SH3GL2: variants seen among roughly 807,000 people sequenced by gnomAD.
The protein encoded by SH3GL2 is SH3 domain containing GRB2 like 2, endophilin A1.
SH3GL2 carries 24 observed loss-of-function variants against 46.0 expected under a neutral mutation model. The ratio of observed to expected loss-of-function variants is 0.52; its 90% CI spans 0.38 to 0.73. The LOEUF (loss-of-function observed/expected upper bound fraction) is 0.73. Among genes scored for constraint, SH3GL2 ranks in the 30% least tolerant of loss-of-function variants. The pLI is 0.00. For missense variants in SH3GL2, 413 were observed against 424.2 expected (o/e 0.97, Z 0.23); for synonymous variants, 196 against 147.1 (o/e 1.33, Z -2.40).
Position 17,608,950 on chromosome 9 carries a change from A to G in SH3GL2, c.45+29663A>G, listed in dbSNP as rs112696508. ...GAGTAAAACAGCTCTGTTTTGGTGG[A>G]CAGAGATCCAGGACACCCACTTTCA... On this transcript the variant is annotated intron_variant, in intron 1 of 8. Transcript: ENST00000380607. Among the ~76,000 whole-genome samples, 445 of 152,340 alleles carry G rather than the reference A, an allele frequency of 2.9e-3. 4 individuals carry two copies. The highest frequency in any genetic ancestry group is 0.01 in the African/African-American group (416 of 41,580).
At chr9:17,683,380 G>C (rs1405538165) in intron 1 of SH3GL2, among the ~76,000 whole-genome samples, 2 of 152,002 alleles carry the variant, frequency 1.3e-5, no homozygotes, top group African/African-American at 2.4e-5. Flanking sequence ...CTCTAACCCT[G>C]TTTCTCTTGT....
chr9:17,789,596 C>T (rs375691772), intron 6 of SH3GL2, 46 bp downstream of exon 6: 36 of 1,606,928 alleles, frequency 2.2e-5, no homozygotes, highest in Non-Finnish European at 3.0e-5. Context: ...CATCGAGGCA[C>T]AACATTAATA....
At chr9:17,731,549 C>G (rs1044390896) in intron 1 of SH3GL2, among the ~76,000 whole-genome samples, 3 of 152,044 alleles carry the variant, frequency 2.0e-5, no homozygotes, top group Admixed American at 6.6e-5. Flanking sequence ...CAGCGTCATG[C>G]AAGCCAGGAA....
rs572071235 is a variant in SH3GL2 at position 17,730,094 on chromosome 9, C to T, written c.46-16972C>T. On this transcript the variant is annotated intron_variant, in intron 1 of 8. Transcript: ENST00000380607. ...GATACTGATTCTTCCTATCCATGAG[C>T]ATGGAATGTTTTCCCATTTGTTTGT... is the stretch of plus-strand genomic sequence containing the variant. Among the ~76,000 whole-genome samples the T allele has an allele frequency of 1.7e-3, 259 of 152,224 alleles. 1 individual carries two copies. The highest frequency in any genetic ancestry group is 6.2e-3 in the African/African-American group (257 of 41,514).
At chr9:17,791,360 C>T (rs188343641) in intron 7 of SH3GL2, 26 bp downstream of exon 7, 14 of 1,407,310 alleles carry the variant, frequency 9.9e-6, no homozygotes, top group East Asian at 2.3e-5. Context: ...CTGCATTTCA[C>T]ATTTGCATTT....
chr9:17,684,881 C>T lies in SH3GL2; in HGVS notation c.46-62185C>T, dbSNP rs187470967. Among the ~76,000 whole-genome samples the T allele has an allele frequency of 1.5e-3, 222 of 152,260 alleles. 3 individuals carry two copies. Among genetic ancestry groups the T allele is most frequent in the African/African-American group, 5.2e-3 (216 of 41,578 alleles). ...AAATATAAGTGATCTTATTACTCTT[C>T]ATTTCACTGCCAACATTTAAAAATC... is the stretch of plus-strand genomic sequence containing the variant. On this transcript the variant is annotated intron_variant, in intron 1 of 8. Coordinates refer to ENST00000380607, the MANE Select transcript of SH3GL2 (RefSeq NM_003026.5).
At chr9:17,767,590 T>C (rs965519971) in intron 3 of SH3GL2, among the ~76,000 whole-genome samples, 3 of 152,230 alleles carry the variant, frequency 2.0e-5, no homozygotes, top group Middle Eastern at 3.2e-3. Context: ...TTGCATCTTT[T>C]AGAGTCCTTA....
Position 17,618,468 on chromosome 9 carries a change from A to G in SH3GL2, c.45+39181A>G, listed in dbSNP as rs540147711. 3.3e-5 allele frequency among the ~76,000 whole-genome samples: 5 copies of G among 152,320 alleles called. No individual in the cohort carries two copies. The East Asian group carries it at 5.8e-4, about 18-fold the overall frequency. ...GCCAGCATTTGATAATAGTAAACTC[A>G]TGACCCCTTATTCATAGTTTGGAAA... On this transcript the variant is annotated intron_variant, in intron 1 of 8. Coordinates refer to ENST00000380607, the MANE Select transcript of SH3GL2 (RefSeq NM_003026.5).
chr9:17,680,501 C>T (rs1018948139), intron 1 of SH3GL2, among the ~76,000 whole-genome samples: 2 of 151,926 alleles, frequency 1.3e-5, no homozygotes, highest in Non-Finnish European at 2.9e-5. Flanking sequence ...TTTATTGCGT[C>T]TATTTGATTC....
chr9:17,634,780 C>A (rs1329951499), intron 1 of SH3GL2, among the ~76,000 whole-genome samples: 1 of 152,274 alleles, frequency 6.6e-6, no homozygotes, highest in Non-Finnish European at 1.5e-5. Flanking sequence ...AGCTTTTGAG[C>A]AGACACTCTT....
chr9:17,668,731 A>C (rs1266391693), intron 1 of SH3GL2, among the ~76,000 whole-genome samples: 1 of 152,174 alleles, frequency 6.6e-6, no homozygotes, highest in East Asian at 1.9e-4. Flanking sequence ...ATCGTAGCTC[A>C]CTGCAACCTC....
chr9:17,782,253 G>T (rs932340578), intron 3 of SH3GL2, among the ~76,000 whole-genome samples: 2 of 152,064 alleles, frequency 1.3e-5, no homozygotes, highest in African/African-American at 4.8e-5. Flanking sequence ...CTCGTGATTT[G>T]GTGTAGGACT....
chr9:17,588,292 GACTCTTGCTCTTGTGT>G (rs1019481257), intron 1 of SH3GL2, among the ~76,000 whole-genome samples: 1 of 152,198 alleles, frequency 6.6e-6, no homozygotes, highest in Admixed American at 6.5e-5. Context: ...GATTGTTGGT[GACTCTTGCTCTTGTGT>G]ACTCTCCTCC....
At position 17,673,172 on chromosome 9, in the gene SH3GL2, A is replaced by G. The variant is rs140069139; in HGVS notation, c.46-73894A>G. Among the ~76,000 whole-genome samples the G allele has an allele frequency of 2.9e-3, 443 of 151,788 alleles. 3 individuals carry two copies. In the Middle Eastern group the frequency reaches 0.031, roughly 10 times the overall value. ...TTTTGTTTGTTTGTTTGTTTTTGAG[A>G]CAGTCTCACTTTGTCACCCAGGCTG... On this transcript the variant is annotated intron_variant, in intron 1 of 8. Transcript: ENST00000380607.
rs1216637261 is a variant in SH3GL2, at chr9:17,720,310, C to T, written c.46-26756C>T. ...ATACTTAGATTGTTAAAAGAAAAACCTTAGGCAAATTAAATTTAACAGAGT... is the reference window on the plus strand; with the variant it reads ...ATACTTAGATTGTTAAAAGAAAAACTTTAGGCAAATTAAATTTAACAGAGT... On this transcript the variant is annotated intron_variant, in intron 1 of 8. Transcript: ENST00000380607. 4.6e-5 allele frequency among the ~76,000 whole-genome samples: 7 copies of T among 152,026 alleles called. No individual in the cohort carries two copies. In the East Asian group the frequency reaches 1.2e-3, roughly 25 times the overall value.
intron 2 of SH3GL2, among the ~76,000 whole-genome samples, chr9:17,760,174 G>T (rs1399632350): frequency 2.0e-5 from 3 of 152,090 alleles, no homozygotes; most frequent in African/African-American, 7.2e-5. Context: ...ATTTATACAA[G>T]ATTTATATGT....
Position 17,718,894 on chromosome 9 carries a change from A to G in SH3GL2, c.46-28172A>G, listed in dbSNP as rs140897733. ...GAGGGAGTGACCATGTGATATAAGG[A>G]GAATCGATTTTCCTTCTTCTTCTGC... On this transcript the variant is annotated intron_variant, in intron 1 of 8. Coordinates refer to ENST00000380607, the MANE Select transcript of SH3GL2 (RefSeq NM_003026.5). Among the ~76,000 whole-genome samples the G allele has an allele frequency of 4.1e-3, 621 of 152,216 alleles. 9 individuals carry two copies. Among genetic ancestry groups the G allele is most frequent in the African/African-American group, 0.014 (575 of 41,538 alleles).
At chr9:17,746,816 G>A (rs1168433182) in intron 1 of SH3GL2, among the ~76,000 whole-genome samples, 1 of 152,188 alleles carries the variant, frequency 6.6e-6, no homozygotes, top group African/African-American at 2.4e-5. Context: ...GATAGAAGGA[G>A]CACTGAGGTT....
At chr9:17,602,659 G>A (rs559668077) in intron 1 of SH3GL2, among the ~76,000 whole-genome samples, 10 of 152,242 alleles carry the variant, frequency 6.6e-5, no homozygotes, top group South Asian at 2.1e-4. Flanking sequence ...TAAACAAAAC[G>A]CTAACAAGAC....
Sources: allele counts gnomAD v4.1 joint callset (sites outside exome capture counted in the v4.1 genomes callset), GRCh38; gene constraint gnomAD v4.1.1; transcripts MANE v1.5; gene names NCBI Gene and HGNC (gene_info 2026-07-23, HGNC 2026-07-21).